GVQW3: variants seen among roughly 807,000 people sequenced by gnomAD.
The protein encoded by GVQW3 is protein GVQW3.
A neutral mutation model predicts 12.5 loss-of-function variants in GVQW3; 7 were observed. That is an observed-to-expected ratio of 0.56 (90% CI 0.32 to 1.05). The LOEUF (loss-of-function observed/expected upper bound fraction) is 1.05. Ranked by LOEUF, GVQW3 falls within the 50% of genes least tolerant of loss-of-function variation. The pLI is 0.04. For missense variants in GVQW3, 188 were observed against 190.8 expected, an observed-to-expected ratio of 0.99 and a Z score of 0.09; for synonymous variants, 71 against 67.2, an observed-to-expected ratio of 1.06 and a Z score of -0.28.
Position 76,381,551 on chromosome 11 carries a change from GCAGA to G in GVQW3, c.-277_-274del. The G allele has an allele frequency of 7.4e-5, 26 of 350,758 alleles. No homozygotes were observed. Among genetic ancestry groups the G allele is most frequent in the South Asian group, 3.5e-4 (6 of 16,958 alleles). 21.7% of individuals were successfully genotyped at this position (350,758 alleles called of 1,614,324 possible). A position where few individuals can be genotyped will look rare whatever the true frequency, so the allele number is the denominator to read the frequency against. On this transcript the variant is annotated 5_prime_UTR_variant, in exon 1 of 2. An upstream start codon of the reference 5' UTR is lost. Coordinates refer to ENST00000529331, the MANE Select transcript of GVQW3 (RefSeq NM_001347885.2). Reference sequence around the variant, plus strand: ...GACCTTGGTGACTGGCAAACTCTCGGCAGATGTGCGTGCACTGGTTTGATGCAGA... The same window carrying G: ...GACCTTGGTGACTGGCAAACTCTCGGTGTGCGTGCACTGGTTTGATGCAGA...
chr11:76,386,162 C>T (rs1565241536), intron 1 of GVQW3, among the ~76,000 whole-genome samples: 1 of 152,342 alleles, frequency 6.6e-6, no homozygotes, highest in African/African-American at 2.4e-5. Context: ...CACAGCTGAG[C>T]GTCTAAGAGG....
At chr11:76,402,540 G>A (rs567725675) in intron 1 of GVQW3, among the ~76,000 whole-genome samples, 16 of 146,056 alleles carry the variant, frequency 1.1e-4, no homozygotes, top group African/African-American at 3.0e-4. Context: ...ATGACAGAGC[G>A]AGACTCTGTC....
rs1255148171 is a variant in GVQW3 at position 76,404,090 on chromosome 11, A to G, written c.*332A>G. On this transcript the variant is annotated 3_prime_UTR_variant, in exon 2 of 2. Transcript: ENST00000529331. ...CCCCATGATCCAGTCAAGTGAACATATAAAATTGGCTGTCACATCTCCATT... is the reference window on the plus strand; with the variant it reads ...CCCCATGATCCAGTCAAGTGAACATGTAAAATTGGCTGTCACATCTCCATT... 2.2e-6 allele frequency: 1 copy of G among 464,632 alleles called. No homozygotes were observed. Among genetic ancestry groups the G allele is most frequent in the Non-Finnish European group, 3.9e-6 (1 of 259,434 alleles). 28.8% of individuals were successfully genotyped at this position (464,632 alleles called of 1,614,324 possible).
At chr11:76,386,426 CTT>C (rs762680400) in intron 1 of GVQW3, among the ~76,000 whole-genome samples, 51 of 152,296 alleles carry the variant, frequency 3.3e-4, no homozygotes, top group Middle Eastern at 3.4e-3. Context: ...TTCCCAGAAA[CTT>C]TTTTTCAGAT....
In GVQW3 at chr11:76,381,826, A is replaced by G; in HGVS notation, c.-3A>G. 6.6e-7 allele frequency: 1 copy of G among 1,524,308 alleles called. No individual in the cohort carries two copies. Among genetic ancestry groups the G allele is most frequent in the Non-Finnish European group, 8.8e-7 (1 of 1,141,136 alleles). 94.4% of individuals were successfully genotyped at this position (1,524,308 alleles called of 1,614,324 possible). A position where few individuals can be genotyped will look rare whatever the true frequency, so the allele number is the denominator to read the frequency against. On this transcript the variant is annotated 5_prime_UTR_variant, in exon 1 of 2. Coordinates refer to ENST00000529331, the MANE Select transcript of GVQW3 (RefSeq NM_001347885.2). ...AAACGTTCCTGTGTTGTTCAGTGCC[A>G]GAATGAGTGACCGCTATTTAGAACA... is the stretch of plus-strand genomic sequence containing the variant.
intron 1 of GVQW3, among the ~76,000 whole-genome samples, chr11:76,387,622 T>A (rs1946848491): frequency 6.6e-6 from 1 of 151,126 alleles, no homozygotes; most frequent in African/African-American, 2.4e-5. Flanking sequence ...TCTGACAATT[T>A]ATTTGTGGAA....
At chr11:76,392,869 T>G (rs1167408070) in intron 1 of GVQW3, 1 of 152,228 alleles carries the variant, frequency 6.6e-6, no homozygotes, top group Non-Finnish European at 1.5e-5. Context: ...TTTTTAAAAA[T>G]CTGGGCACAT....
intron 1 of GVQW3, among the ~76,000 whole-genome samples, chr11:76,386,523 G>A (rs1946835925): frequency 6.6e-6 from 1 of 152,158 alleles, no homozygotes; most frequent in African/African-American, 2.4e-5. Flanking sequence ...ACCTAATAAA[G>A]GAATGGGGTA....
At chr11:76,386,373 C>G (rs1263167924) in intron 1 of GVQW3, among the ~76,000 whole-genome samples, 1 of 152,194 alleles carries the variant, frequency 6.6e-6, no homozygotes, top group Non-Finnish European at 1.5e-5. Context: ...ACTGAGTCCT[C>G]ATTGAAATGT....
chr11:76,384,647 T>C (rs563860463), intron 1 of GVQW3, among the ~76,000 whole-genome samples: 7 of 152,194 alleles, frequency 4.6e-5, no homozygotes, highest in Non-Finnish European at 1.0e-4. Flanking sequence ...TTGAGACACC[T>C]TGAAAGCTAG....
chr11:76,403,283 C>T (rs1327354918), intron 1 of GVQW3, among the ~76,000 whole-genome samples: 1 of 152,132 alleles, frequency 6.6e-6, no homozygotes, highest in Non-Finnish European at 1.5e-5. Flanking sequence ...AGTCAAGGTT[C>T]TCCAGAGAAA....
chr11:76,384,192 C>T (rs967330630), intron 1 of GVQW3, among the ~76,000 whole-genome samples: 2 of 152,224 alleles, frequency 1.3e-5, no homozygotes, highest in African/African-American at 4.8e-5. Flanking sequence ...TTAGATATAA[C>T]AGCTCCTCTT....
At position 76,381,524 on chromosome 11, in the gene GVQW3, G is replaced by T; in HGVS notation, c.-305G>T. 3.3e-6 allele frequency: 1 copy of T among 299,952 alleles called. No individual in the cohort carries two copies. The highest frequency in any genetic ancestry group is 6.2e-6 in the Non-Finnish European group (1 of 160,914). The allele number at this position is 299,952 out of a possible 1,614,324, so 18.6% of individuals were successfully genotyped here. A position where few individuals can be genotyped will look rare whatever the true frequency, so the allele number is the denominator to read the frequency against. Reference sequence around the variant, plus strand: ...ACTCCTTAAGGGCCGCGGAATCGGAGCGACCTTGGTGACTGGCAAACTCTC... The same window carrying T: ...ACTCCTTAAGGGCCGCGGAATCGGATCGACCTTGGTGACTGGCAAACTCTC... On this transcript the variant is annotated 5_prime_UTR_variant, in exon 1 of 2. Coordinates refer to ENST00000529331, the MANE Select transcript of GVQW3 (RefSeq NM_001347885.2).
intron 1 of GVQW3, among the ~76,000 whole-genome samples, chr11:76,389,438 G>A (rs1248271745): frequency 6.6e-6 from 1 of 151,860 alleles, no homozygotes; most frequent in East Asian, 1.9e-4. Context: ...GGTGGACACA[G>A]AGGCTATATG....
chr11:76,408,980 C>T (rs1443281589), downstream of GVQW3, among the ~76,000 whole-genome samples: 1 of 152,122 alleles, frequency 6.6e-6, no homozygotes, highest in Non-Finnish European at 1.5e-5. Context: ...TCATTCTTCC[C>T]GGGTGCAGCT....
chr11:76,402,742 AG>A (rs1726821885), intron 1 of GVQW3, among the ~76,000 whole-genome samples: 1 of 151,914 alleles, frequency 6.6e-6, no homozygotes, highest in Admixed American at 6.6e-5. Context: ...TTTTTGAGAA[AG>A]GGTATCATTC....
intron 1 of GVQW3, among the ~76,000 whole-genome samples, chr11:76,389,221 A>G (rs1038741846): frequency 6.6e-6 from 1 of 152,256 alleles, no homozygotes; most frequent in Non-Finnish European, 1.5e-5. Flanking sequence ...TTGTATGTAT[A>G]AATCCAAAAA....
chr11:76,381,737 T>C lies in GVQW3; in HGVS notation c.-92T>C, dbSNP rs554642719. 8.8e-7 allele frequency: 1 copy of C among 1,142,788 alleles called. No individual in the cohort carries two copies. Among genetic ancestry groups the C allele is most frequent in the East Asian group, 2.6e-5 (1 of 37,866 alleles). The allele number at this position is 1,142,788 out of a possible 1,614,324, so 70.8% of individuals were successfully genotyped here. On this transcript the variant is annotated 5_prime_UTR_variant, in exon 1 of 2. The change abolishes an upstream ATG in the 5' untranslated region. Coordinates refer to ENST00000529331, the MANE Select transcript of GVQW3 (RefSeq NM_001347885.2). ...TTCTAGAAGAGCAAGAAGAGCGATA[T>C]GATTACACCTGCAGCCCTATAAAGA...
At chr11:76,413,361 AACTG>A (rs1385899854) in exon 2 of GVQW3, 3 of 152,170 alleles carry the variant, frequency 2.0e-5, no homozygotes, top group Non-Finnish European at 4.4e-5. Context: ...CGCCATTGAC[AACTG>A]GCATCATGTG....
Sources: gnomAD v4.1 joint callset for allele counts (sites outside exome capture counted in the v4.1 genomes callset) on GRCh38, gnomAD v4.1.1 for gene constraint, MANE v1.5 for transcripts, NCBI Gene and HGNC (gene_info 2026-07-23, HGNC 2026-07-21) for gene names.